TLK2: variants seen among roughly 807,000 people sequenced by gnomAD.
TLK2 encodes the protein tousled like kinase 2.
TLK2 carries 6 observed loss-of-function variants against 117.3 expected under a neutral mutation model. The ratio of observed to expected loss-of-function variants is 0.05; its 90% confidence interval spans 0.03 to 0.10. The LOEUF (loss-of-function observed/expected upper bound fraction) is 0.10, where lower values mean the gene tolerates loss of function less well. Ranked by LOEUF, TLK2 falls within the 10% of genes least tolerant of loss-of-function variation. TLK2 has a pLI of 1.00. For synonymous variants in TLK2, 257 were observed against 316.7 expected (o/e 0.81, Z 2.00); for missense variants, 299 against 901.2 (o/e 0.33, Z 8.56).
intron 19 of TLK2, among the ~76,000 whole-genome samples, chr17:62,604,728 G>C (rs998407105): frequency 2.6e-5 from 4 of 151,608 alleles, no homozygotes; most frequent in South Asian, 2.1e-4. Flanking sequence ...GGCCAACATG[G>C]TGAAACCCCG....
intron 16 of TLK2, among the ~76,000 whole-genome samples, chr17:62,589,027 C>T (rs2081872738): frequency 6.6e-6 from 1 of 152,102 alleles, no homozygotes. Flanking sequence ...GACATTTATT[C>T]TGGTAAAAAA....
At chr17:62,483,662 C>G (rs1183285059) in intron 2 of TLK2, among the ~76,000 whole-genome samples, 1 of 152,028 alleles carries the variant, frequency 6.6e-6, no homozygotes, top group South Asian at 2.1e-4. Flanking sequence ...CCACTACCAC[C>G]CTGTTAATTT....
chr17:62,561,790 T>C (rs1045135510), intron 10 of TLK2, among the ~76,000 whole-genome samples: 1 of 152,232 alleles, frequency 6.6e-6, no homozygotes, highest in Non-Finnish European at 1.5e-5. Context: ...AAATAAAATA[T>C]ATGCTAATCC....
At chr17:62,526,389 T>C (rs1244824115) in intron 6 of TLK2, among the ~76,000 whole-genome samples, 11 of 152,198 alleles carry the variant, frequency 7.2e-5, no homozygotes, top group Non-Finnish European at 1.6e-4. Context: ...ATTCTTCTGC[T>C]AACTGATGGC....
intron 2 of TLK2, among the ~76,000 whole-genome samples, chr17:62,492,521 G>T (rs1222529087): frequency 6.6e-6 from 1 of 151,672 alleles, no homozygotes; most frequent in Non-Finnish European, 1.5e-5. Context: ...GCAGTGGCAC[G>T]ATCTTGGCTC....
At chr17:62,478,474 C>A (rs2071177115), upstream of TLK2, among the ~76,000 whole-genome samples, 1 of 150,090 alleles carries the variant, frequency 6.7e-6, no homozygotes, top group Non-Finnish European at 1.5e-5. Context: ...GGCGGCGGGT[C>A]CTCCGGGCCT....
intron 16 of TLK2, among the ~76,000 whole-genome samples, chr17:62,587,981 C>A (rs60117165): frequency 2.7e-5 from 4 of 148,364 alleles, no homozygotes; most frequent in East Asian, 2.0e-4. Flanking sequence ...ACGTATACAT[C>A]TGTATATGTA....
At chr17:62,554,895 T>C (rs1223990428) in intron 9 of TLK2, among the ~76,000 whole-genome samples, 1 of 151,448 alleles carries the variant, frequency 6.6e-6, no homozygotes, top group Non-Finnish European at 1.5e-5. Context: ...AAAAAAATTA[T>C]ACATGCTCTT....
chr17:62,603,262 C>T (rs548952899), intron 19 of TLK2, among the ~76,000 whole-genome samples: 24 of 152,310 alleles, frequency 1.6e-4, no homozygotes, highest in Admixed American at 1.6e-3. Flanking sequence ...ACACCATGGA[C>T]ACAATGCCCC....
upstream of TLK2, among the ~76,000 whole-genome samples, chr17:62,478,752 G>T (rs1191228881): frequency 4.3e-4 from 6 of 14,112 alleles, no homozygotes; most frequent in African/African-American, 5.1e-4. Flanking sequence ...ACCCCCCCAG[G>T]ACCCCCCCCG....
At chr17:62,557,847 G>C (rs1237735081) in intron 9 of TLK2, among the ~76,000 whole-genome samples, 6 of 152,166 alleles carry the variant, frequency 3.9e-5, no homozygotes, top group Non-Finnish European at 8.8e-5. Flanking sequence ...GTTTGCTTAT[G>C]TTTTCTAATA....
intron 16 of TLK2, among the ~76,000 whole-genome samples, chr17:62,594,568 A>G (rs2082317184): frequency 6.6e-6 from 1 of 152,210 alleles, no homozygotes; most frequent in Admixed American, 6.5e-5. Flanking sequence ...CCTGGTCACA[A>G]AAACATTACC....
intron 2 of TLK2, among the ~76,000 whole-genome samples, chr17:62,491,809 C>T (rs2073139181): frequency 6.6e-6 from 1 of 152,188 alleles, no homozygotes; most frequent in Non-Finnish European, 1.5e-5. Context: ...TGGTCTCGAT[C>T]TCCTGACCTC....
intron 7 of TLK2, chr17:62,550,834 T>G (rs748474006): frequency 6.6e-5 from 10 of 152,258 alleles, no homozygotes; most frequent in Non-Finnish European, 1.0e-4. Flanking sequence ...ACAACCACCT[T>G]ATAGGACAGA....
intron 16 of TLK2, among the ~76,000 whole-genome samples, chr17:62,591,474 G>A (rs895274890): frequency 3.3e-5 from 5 of 151,228 alleles, no homozygotes; most frequent in Admixed American, 2.7e-4. Context: ...CAGTGGTGCC[G>A]AAACCGAAGC....
rs913518890 is a variant in TLK2 at position 62,558,177 on chromosome 17, T to TA, written c.721-1830dup. Among the ~76,000 whole-genome samples the TA allele has an allele frequency of 4.0e-5, 6 of 150,172 alleles. No homozygotes were observed. In the East Asian group the frequency reaches 5.9e-4, roughly 15 times the overall value. ...GCTTTTTTTTTTTCTTTTTTTTAAT[T>TA]AAAAAAAAAGGACACAGTGTCTTGC... On this transcript the variant is annotated intron_variant, in intron 9 of 21. Transcript: ENST00000346027.
intron 6 of TLK2, among the ~76,000 whole-genome samples, chr17:62,534,881 C>CTGTTTT (rs2077000552): frequency 1.4e-5 from 1 of 72,988 alleles, no homozygotes; most frequent in Non-Finnish European, 2.4e-5. Context: ...TAATTCCAGT[C>CTGTTTT]TTTTTTTTTT....
intron 2 of TLK2, among the ~76,000 whole-genome samples, chr17:62,492,111 C>A (rs1360137379): frequency 1.3e-5 from 2 of 152,014 alleles, no homozygotes; most frequent in Non-Finnish European, 2.9e-5. Context: ...TAATAAATTC[C>A]AAAAATTCCA....
At chr17:62,563,864 G>A (rs1009545003) in intron 10 of TLK2, among the ~76,000 whole-genome samples, 2 of 152,182 alleles carry the variant, frequency 1.3e-5, no homozygotes. Flanking sequence ...TAAGAATTCT[G>A]CAGGGAGGCA....
Sources: allele counts gnomAD v4.1 joint callset (sites outside exome capture counted in the v4.1 genomes callset), GRCh38; gene constraint gnomAD v4.1.1; transcripts MANE v1.5; gene names NCBI Gene and HGNC (gene_info 2026-07-23, HGNC 2026-07-21).